The following GALNTL5 variants were observed in gnomAD, a reference collection of about 807,000 sequenced individuals.
GALNTL5 encodes polypeptide N-acetylgalactosaminyltransferase like 5, also known as inactive polypeptide N-acetylgalactosaminyltransferase-like protein 5.
GALNTL5 carries 44 observed loss-of-function variants against 51.0 expected under a neutral mutation model. That is an observed-to-expected ratio of 0.86 (90% confidence interval 0.68 to 1.11). The LOEUF is 1.11. GALNTL5 is among the 50% of genes least tolerant of loss of function. The probability of loss-of-function intolerance (pLI) is 0.00; values close to 1 mark genes in which losing one functional copy is unlikely to be tolerated. For synonymous variants in GALNTL5, 192 were observed against 182.8 expected (o/e 1.05, Z -0.41); for missense variants, 528 against 531.8 (o/e 0.99, Z 0.07).
intron 1 of GALNTL5, among the ~76,000 whole-genome samples, chr7:151,957,142 GAAAAA>G (rs71198743): frequency 0.29 from 29,376 of 100,114 alleles, 3,412 homozygotes; most frequent in Admixed American, 0.43. Flanking sequence ...TCTGTCTCGA[GAAAAA>G]AAAAAAAAAA....
At chr7:151,958,900 G>C (rs1402084746) in intron 1 of GALNTL5, among the ~76,000 whole-genome samples, 2 of 152,168 alleles carry the variant, frequency 1.3e-5, no homozygotes, top group African/African-American at 4.8e-5. Context: ...GTGAGAGGGG[G>C]CTCAAAGATG....
At position 151,969,549 on chromosome 7, in the gene GALNTL5, G is replaced by A. The variant is rs150374225; in HGVS notation, c.248-1396G>A. Among the ~76,000 whole-genome samples the A allele has an allele frequency of 3.8e-3, 572 of 152,164 alleles. 2 individuals carry two copies. The highest frequency in any genetic ancestry group is 0.017 in the Middle Eastern group (5 of 294). ...CAACCAGCAATGTATCCCCTAGTGC[G>A]CAGATCCCTCCCCGGTTCCTCATAG... On this transcript the variant is annotated intron_variant, in intron 2 of 8. Coordinates refer to ENST00000392800, the MANE Select transcript of GALNTL5 (RefSeq NM_145292.4).
intron 3 of GALNTL5, among the ~76,000 whole-genome samples, chr7:151,976,418 T>C (rs902955717): frequency 1.3e-5 from 2 of 152,224 alleles, no homozygotes; most frequent in Non-Finnish European, 2.9e-5. Context: ...ACTTACTGTC[T>C]GTTTTACTTC....
intron 5 of GALNTL5, among the ~76,000 whole-genome samples, chr7:151,993,713 G>A (rs1255389087): frequency 6.6e-6 from 1 of 152,014 alleles, no homozygotes; most frequent in Non-Finnish European, 1.5e-5. Context: ...TCGAACTCCT[G>A]GGGTCAAGTG....
chr7:151,967,456 C>A lies in GALNTL5; in HGVS notation c.210C>A (p.Val70=). ...SEQIPKPHVI[V]KRTDEDKAKS... is the part of the protein sequence containing the mutation. The stretch of plus-strand genomic sequence containing the variant: ...AAATACCAAAACCTCATGTAATAGT[C>A]AAAAGGACTGATGAAGATAAAGCAA... The change falls in exon 2 of 9, where the codon GTC becomes GTA. Residue 70 remains valine, a synonymous_variant. Coordinates refer to ENST00000392800, the MANE Select transcript of GALNTL5 (RefSeq NM_145292.4). 3 of 1,613,772 alleles carry A rather than the reference C, an allele frequency of 1.9e-6. No homozygotes were observed. The highest frequency in any genetic ancestry group is 1.1e-5 in the South Asian group (1 of 91,020).
chr7:152,019,716 T>G lies in GALNTL5; in HGVS notation c.1247T>G (p.Leu416Ter). 1.2e-6 allele frequency: 2 copies of G among 1,613,668 alleles called. No individual in the cohort carries two copies. Among genetic ancestry groups the G allele is most frequent in the Middle Eastern group, 1.6e-4 (1 of 6,062 alleles). The change falls in exon 9 of 9, where the codon TTA becomes TGA. Residue 416 changes from leucine (L) to a stop codon, truncating the protein, a stop_gained. Transcript: ENST00000392800. LOFTEE classifies it high-confidence loss of function. ...TYGNIRERVE[L>*]RKRLGCKSFQ... ...GGAAATATTCGCGAGCGTGTTGAGTTAAGGAAACGACTGGGTTGCAAGTCA... is the reference window on the plus strand; with the variant it reads ...GGAAATATTCGCGAGCGTGTTGAGTGAAGGAAACGACTGGGTTGCAAGTCA...
chr7:151,985,570 C>A (rs987071106), intron 4 of GALNTL5, among the ~76,000 whole-genome samples: 1 of 151,958 alleles, frequency 6.6e-6, no homozygotes, highest in Non-Finnish European at 1.5e-5. Flanking sequence ...GGGCCAGGGG[C>A]CCAGGGAACT....
intron 3 of GALNTL5, among the ~76,000 whole-genome samples, chr7:151,979,828 T>G (rs2151944963): frequency 1.3e-5 from 2 of 152,260 alleles, no homozygotes; most frequent in African/African-American, 4.8e-5. Context: ...CACACCAGGT[T>G]CTCTTGGGGG....
intron 1 of GALNTL5, among the ~76,000 whole-genome samples, chr7:151,963,262 G>C (rs1482929178): frequency 1.3e-5 from 2 of 152,164 alleles, no homozygotes; most frequent in Non-Finnish European, 2.9e-5. Context: ...TCACTTTGTG[G>C]AACTCATTAC....
Position 151,975,195 on chromosome 7 carries a change from G to T in GALNTL5, c.368+4130G>T, listed in dbSNP as rs76447484. On this transcript the variant is annotated intron_variant, in intron 3 of 8. Coordinates refer to ENST00000392800, the MANE Select transcript of GALNTL5 (RefSeq NM_145292.4). ...ATAAATTCAGTAGTGAACCCATTAG[G>T]TCCTGGAGTTTTCTTTGGTGAGAGA... Among the ~76,000 whole-genome samples the T allele has an allele frequency of 8.1e-3, 1,233 of 152,176 alleles. 16 individuals carry two copies. Among genetic ancestry groups the T allele is most frequent in the African/African-American group, 0.028 (1,149 of 41,528 alleles).
chr7:151,970,917 A>G (rs1178545710), intron 2 of GALNTL5, 28 bp from the exon 3 acceptor site: 1 of 1,566,252 alleles, frequency 6.4e-7, no homozygotes, highest in Admixed American at 1.8e-5. Flanking sequence ...GCCTTTACTT[A>G]TATGATTCTA....
chr7:151,995,669 AT>A (rs150926941), intron 5 of GALNTL5, among the ~76,000 whole-genome samples: 44,361 of 151,422 alleles, frequency 0.29, 6,534 homozygotes, highest in South Asian at 0.42. Flanking sequence ...CATCACCTAC[AT>A]TTTTTTTGGC....
intron 1 of GALNTL5, among the ~76,000 whole-genome samples, chr7:151,960,995 A>T (rs779690482): frequency 6.6e-6 from 1 of 152,240 alleles, no homozygotes; most frequent in Admixed American, 6.5e-5. Context: ...TACAATGTAT[A>T]TGCAAGCCAG....
chr7:152,004,863 C>CTT (rs1286876074), intron 6 of GALNTL5, among the ~76,000 whole-genome samples: 6 of 152,132 alleles, frequency 3.9e-5, no homozygotes, highest in Admixed American at 3.9e-4. Flanking sequence ...CTGAGGGACA[C>CTT]TTTAGTTGAT....
chr7:151,965,575 A>C (rs1302565479), intron 1 of GALNTL5, among the ~76,000 whole-genome samples: 2 of 152,184 alleles, frequency 1.3e-5, no homozygotes, highest in Admixed American at 1.3e-4. Context: ...GCTTAATTAA[A>C]AAATCAGCGT....
At chr7:151,998,330 TAAA>T (rs34764187) in intron 5 of GALNTL5, among the ~76,000 whole-genome samples, 2 of 151,636 alleles carry the variant, frequency 1.3e-5, no homozygotes, top group African/African-American at 4.8e-5. Context: ...GAAAAGGTGC[TAAA>T]AAAAAGTCTA....
intron 6 of GALNTL5, among the ~76,000 whole-genome samples, chr7:152,005,956 G>A (rs890425895): frequency 1.3e-5 from 2 of 152,196 alleles, no homozygotes; most frequent in African/African-American, 2.4e-5. Flanking sequence ...TCCTTTGGGA[G>A]TCATGGATAG....
chr7:151,978,235 T>C lies in GALNTL5; in HGVS notation c.369-4751T>C, dbSNP rs568725283. Among the ~76,000 whole-genome samples the C allele has an allele frequency of 2.0e-5, 3 of 152,378 alleles. No homozygotes were observed. In the East Asian group the frequency reaches 5.8e-4, roughly 29 times the overall value. ...TTTCATTTTTAATTTCTATATAATT[T>C]ACAATTTTTAACTTCCTCTGATCCA... On this transcript the variant is annotated intron_variant, in intron 3 of 8. Coordinates refer to ENST00000392800, the MANE Select transcript of GALNTL5 (RefSeq NM_145292.4).
chr7:151,970,737 C>T, intron 2 of GALNTL5: 1 of 335,810 alleles, frequency 3.0e-6, no homozygotes, highest in South Asian at 3.0e-5. Context: ...TATAAATTAC[C>T]CAGCCTCAGG....
Sources: allele counts gnomAD v4.1 joint callset (sites outside exome capture counted in the v4.1 genomes callset), GRCh38; gene constraint gnomAD v4.1.1; transcripts MANE v1.5; gene names NCBI Gene and HGNC (gene_info 2026-07-23, HGNC 2026-07-21).